Variants in PLAG1 observed in about 807,000 individuals in gnomAD.
PLAG1 encodes PLAG1 zinc finger.
PLAG1 carries 7 observed loss-of-function variants against 35.5 expected under a neutral mutation model. That is an observed-to-expected ratio of 0.20 (90% CI 0.11 to 0.37). The LOEUF (loss-of-function observed/expected upper bound fraction) is 0.37. PLAG1 is among the 10% of genes least tolerant of loss of function. The probability of loss-of-function intolerance (pLI) is 1.00; values close to 1 mark genes in which losing one functional copy is unlikely to be tolerated. For synonymous variants in PLAG1, 229 were observed against 225.4 expected, an observed-to-expected ratio of 1.02 and a Z score of -0.14; for missense variants, 454 against 602.8, an observed-to-expected ratio of 0.75 and a Z score of 2.58.
intron 1 of PLAG1, among the ~76,000 whole-genome samples, chr8:56,179,843 AAC>A (rs1247436934): frequency 1.3e-5 from 2 of 152,068 alleles, no homozygotes; most frequent in African/African-American, 4.8e-5. Context: ...TCTTCTCTGC[AAC>A]ACAGTTTTCA....
rs919809635 is a variant in PLAG1 at position 56,171,615 on chromosome 8, G to C, written c.-216-426C>G. The stretch of plus-strand genomic sequence containing the variant: ...TCTGGAGCCACCCAAAGAACAACAG[G>C]CTCCCGGTGAAAGCACTCAGCCCAT... On this transcript the variant is annotated intron_variant, in intron 2 of 4. Transcript: ENST00000316981. Among the ~76,000 whole-genome samples the C allele has an allele frequency of 1.3e-5, 2 of 152,124 alleles. 1 individual carries two copies. Among genetic ancestry groups the C allele is most frequent in the Non-Finnish European group, 2.9e-5 (2 of 68,012 alleles).
intron 1 of PLAG1, among the ~76,000 whole-genome samples, chr8:56,193,721 G>A (rs1337259371): frequency 7.4e-6 from 1 of 135,474 alleles, no homozygotes; most frequent in Non-Finnish European, 1.5e-5. Context: ...TTTTTGAGAC[G>A]GAGTCTCACT....
intron 1 of PLAG1, among the ~76,000 whole-genome samples, chr8:56,207,953 T>C (rs1473395261): frequency 6.6e-6 from 1 of 152,052 alleles, no homozygotes; most frequent in Non-Finnish European, 1.5e-5. Context: ...CACCACCCTA[T>C]ATGAGAGGAA....
intron 1 of PLAG1, among the ~76,000 whole-genome samples, chr8:56,199,357 T>C (rs1812480345): frequency 6.6e-6 from 1 of 152,046 alleles, no homozygotes; most frequent in Admixed American, 6.6e-5. Context: ...AGGCTGTTGA[T>C]GGATGTTGCC....
In PLAG1 at chr8:56,167,467, C is replaced by T. The variant is rs1272594606; in HGVS notation, c.279G>A (p.Lys93=). The stretch of plus-strand genomic sequence containing the variant: ...GAAACATTTTCTCACAATAATTACA[C>T]TTGTGGGTTTTCTCAGGAGAATGAG... The part of the protein sequence containing the change: ...MATHSPEKTH[K]CNYCEKMFHR... Residue 93 remains lysine (K), a synonymous_variant, in exon 5 of 5, where the codon AAG becomes AAA. Coordinates refer to ENST00000316981, the MANE Select transcript of PLAG1 (RefSeq NM_002655.3). This position sits in a 1 kb window ranked among gnomAD's most constrained non-coding sequence, Gnocchi z 5.9. 1 of 1,611,532 alleles carries T rather than the reference C, an allele frequency of 6.2e-7. No individual in the cohort carries two copies. The highest frequency in any genetic ancestry group is 1.3e-5 in the African/African-American group (1 of 74,888).
Position 56,163,131 on chromosome 8 carries a change from A to C in PLAG1, c.*3112T>G, listed in dbSNP as rs1353877210. 2 of 205,530 alleles carry C rather than the reference A, an allele frequency of 9.7e-6. No individual in the cohort carries two copies. Among genetic ancestry groups the C allele is most frequent in the Non-Finnish European group, 2.0e-5 (2 of 100,468 alleles). The allele number at this position is 205,530 out of a possible 1,614,324, so 12.7% of individuals were successfully genotyped here. On this transcript the variant is annotated 3_prime_UTR_variant, in exon 5 of 5. Transcript: ENST00000316981. The stretch of plus-strand genomic sequence containing the variant: ...GTTTGGTGACCTAACTTGTACATAC[A>C]TGTGGAAGTGAAACTGAATGAGGTT...
At chr8:56,207,545 T>C (rs1451934961) in intron 1 of PLAG1, among the ~76,000 whole-genome samples, 3 of 152,088 alleles carry the variant, frequency 2.0e-5, no homozygotes, top group Admixed American at 6.5e-5. Flanking sequence ...AGATATAGAA[T>C]GTGTCAATAT....
intron 2 of PLAG1, chr8:56,177,892 C>T: frequency 3.3e-5 from 6 of 182,560 alleles, no homozygotes; most frequent in Non-Finnish European, 6.3e-5. Flanking sequence ...GTCCGTACTG[C>T]TTCTGTGTCC....
chr8:56,182,971 A>G (rs911798374), intron 1 of PLAG1, among the ~76,000 whole-genome samples: 1 of 152,216 alleles, frequency 6.6e-6, no homozygotes, highest in East Asian at 1.9e-4. Context: ...CAAGAAATGC[A>G]TGGAGTTTGC....
chr8:56,197,898 G>C (rs1812432043), intron 1 of PLAG1, among the ~76,000 whole-genome samples: 1 of 152,246 alleles, frequency 6.6e-6, no homozygotes, highest in African/African-American at 2.4e-5. Flanking sequence ...GGTGGGTAGG[G>C]AGCAGCAGAG....
chr8:56,184,039 A>T (rs1459407301), intron 1 of PLAG1, among the ~76,000 whole-genome samples: 1 of 152,226 alleles, frequency 6.6e-6, no homozygotes, highest in Non-Finnish European at 1.5e-5. Context: ...AATAAAAAGG[A>T]CAAGCCATTA....
At chr8:56,203,392 T>C (rs1812612158) in intron 1 of PLAG1, among the ~76,000 whole-genome samples, 1 of 152,150 alleles carries the variant, frequency 6.6e-6, no homozygotes. Context: ...AATATGACAA[T>C]ATATTTTAAT....
In PLAG1 at chr8:56,168,024, AT is replaced by A; in HGVS notation, c.242+3del. ...TAATCTGAAAGACAAATAGAGTTTA[AT>A]ACCTTTGTAATTTGTACTTAGAAAC... On this transcript the variant is annotated splice_donor_region_variant and intron_variant, in intron 4 of 4. Coordinates refer to ENST00000316981, the MANE Select transcript of PLAG1 (RefSeq NM_002655.3). The A allele has an allele frequency of 6.9e-7, 1 of 1,444,710 alleles. No homozygotes were observed. The highest frequency in any genetic ancestry group is 9.6e-7 in the Non-Finnish European group (1 of 1,037,916). The allele number at this position is 1,444,710 out of a possible 1,614,324, so 89.5% of individuals were successfully genotyped here. A position where few individuals can be genotyped will look rare whatever the true frequency, so the allele number is the denominator to read the frequency against.
chr8:56,196,640 C>T (rs896647659), intron 1 of PLAG1, among the ~76,000 whole-genome samples: 71 of 152,208 alleles, frequency 4.7e-4, no homozygotes, highest in African/African-American at 1.7e-3. Context: ...GGTGCAAGTA[C>T]CACACGCATA....
At chr8:56,170,675 A>T (rs1043908135) in intron 3 of PLAG1, among the ~76,000 whole-genome samples, 4 of 152,226 alleles carry the variant, frequency 2.6e-5, no homozygotes, top group African/African-American at 9.6e-5. Context: ...ATCCAACCAT[A>T]ATGGGCAAAG....
Position 56,162,493 on chromosome 8 carries a change from G to A in PLAG1, c.*3750C>T, listed in dbSNP as rs773050710. On this transcript the variant is annotated 3_prime_UTR_variant, in exon 5 of 5. Transcript: ENST00000316981. ...ACCATCTACCATTTTTGTACACAAA[G>A]CATTATATATCAAAGGCCTACATAT... 5 of 216,022 alleles carry A rather than the reference G, an allele frequency of 2.3e-5. No individual in the cohort carries two copies. In the Admixed American group the frequency reaches 2.3e-4, roughly 10 times the overall value. The allele number at this position is 216,022 out of a possible 1,614,324, so 13.4% of individuals were successfully genotyped here.
chr8:56,168,910 G>C (rs1042385306), intron 3 of PLAG1, among the ~76,000 whole-genome samples: 13 of 152,146 alleles, frequency 8.5e-5, no homozygotes, highest in Non-Finnish European at 1.8e-4. Context: ...TTCACGGAGA[G>C]ACACTAGAGG....
At chr8:56,181,610 T>C (rs762337857) in intron 1 of PLAG1, among the ~76,000 whole-genome samples, 94 of 151,826 alleles carry the variant, frequency 6.2e-4, no homozygotes, top group Non-Finnish European at 1.1e-3. Context: ...TTAGGAGAAA[T>C]ACCTAATATA....
In PLAG1 at chr8:56,166,729, G is replaced by A. The variant is rs1184891236; in HGVS notation, c.1017C>T (p.Thr339=). Residue 339 remains threonine, a synonymous_variant, in exon 5 of 5, where the codon ACC becomes ACT. Coordinates refer to ENST00000316981, the MANE Select transcript of PLAG1 (RefSeq NM_002655.3). ...TTTCAGGAATAGAAATTGCATATGA[G>A]GTAGAACTGAACGGATATTTGAAAG... The part of the protein sequence containing the change: ...HLSFKYPFSS[T]SYAISIPEKE... 1.9e-6 allele frequency: 3 copies of A among 1,614,044 alleles called. No individual in the cohort carries two copies. Among genetic ancestry groups the A allele is most frequent in the African/African-American group, 1.3e-5 (1 of 75,028 alleles).
Sources: gnomAD v4.1 joint callset for allele counts (sites outside exome capture counted in the v4.1 genomes callset) on GRCh38, gnomAD v4.1.1 for gene constraint, Gnocchi (gnomAD v3.1) non-coding constraint, MANE v1.5 for transcripts, NCBI Gene and HGNC (gene_info 2026-07-23, HGNC 2026-07-21) for gene names.